The following TBCA variants were observed in gnomAD, a reference collection of about 807,000 sequenced individuals.
TBCA encodes tubulin folding cofactor A.
A neutral mutation model predicts 15.8 loss-of-function variants in TBCA; 6 were observed. That is an observed-to-expected ratio of 0.38 (90% CI 0.21 to 0.75). The LOEUF (loss-of-function observed/expected upper bound fraction) is 0.75, where lower values mean the gene tolerates loss of function less well. Among genes scored for constraint, TBCA ranks in the 30% least tolerant of loss-of-function variants. The pLI is 0.46. For synonymous variants in TBCA, 32 were observed against 42.3 expected (o/e 0.76, Z 0.94); for missense variants, 90 against 131.2 (o/e 0.69, Z 1.53).
chr5:77,733,886 A>G (rs1000270452), intron 1 of TBCA, among the ~76,000 whole-genome samples: 2 of 152,196 alleles, frequency 1.3e-5, no homozygotes, highest in Non-Finnish European at 2.9e-5. Flanking sequence ...AGCTTCAAAA[A>G]AGAGGCTGAC....
intron 1 of TBCA, among the ~76,000 whole-genome samples, chr5:77,739,273 C>T (rs1027267667): frequency 1.4e-4 from 21 of 152,104 alleles, no homozygotes; most frequent in African/African-American, 5.1e-4. Context: ...CCAGACTGGC[C>T]AACATGGTGA....
chr5:77,741,358 C>T (rs1015720211), intron 1 of TBCA, among the ~76,000 whole-genome samples: 4 of 152,030 alleles, frequency 2.6e-5, no homozygotes, highest in African/African-American at 9.7e-5. Flanking sequence ...ACACACAGGG[C>T]AAAAGGATAG....
chr5:77,763,552 C>A (rs1182261415), intron 1 of TBCA, among the ~76,000 whole-genome samples: 1 of 152,144 alleles, frequency 6.6e-6, no homozygotes, highest in Non-Finnish European at 1.5e-5. Flanking sequence ...GAGATGGGGT[C>A]TTTGGAAGGT....
intron 1 of TBCA, among the ~76,000 whole-genome samples, chr5:77,747,254 T>C (rs1375943128): frequency 1.3e-5 from 2 of 152,110 alleles, no homozygotes; most frequent in Non-Finnish European, 1.5e-5. Flanking sequence ...TACTATGTGA[T>C]TGAAAAAAAT....
chr5:77,699,099 T>C (rs1745945745), intron 2 of TBCA, among the ~76,000 whole-genome samples: 1 of 148,196 alleles, frequency 6.7e-6, no homozygotes, highest in African/African-American at 2.5e-5. Context: ...AGGATCTGTA[T>C]GCTGAAAATT....
At chr5:77,752,469 T>A (rs1309578328) in intron 1 of TBCA, among the ~76,000 whole-genome samples, 2 of 152,218 alleles carry the variant, frequency 1.3e-5, no homozygotes, top group Non-Finnish European at 2.9e-5. Flanking sequence ...GTTCAAATGA[T>A]CCTACTGCCT....
At chr5:77,761,897 G>C (rs943416741) in intron 1 of TBCA, among the ~76,000 whole-genome samples, 1 of 152,192 alleles carries the variant, frequency 6.6e-6, no homozygotes, top group Admixed American at 6.5e-5. Context: ...AGTTACATGG[G>C]AAAGTTTAAT....
chr5:77,759,941 T>A (rs1351838211), intron 1 of TBCA, among the ~76,000 whole-genome samples: 1 of 152,230 alleles, frequency 6.6e-6, no homozygotes, highest in Non-Finnish European at 1.5e-5. Flanking sequence ...GTGACTATTC[T>A]ACCTCCTAAG....
Position 77,691,188 on chromosome 5 carries a change from G to C in TBCA, c.*230C>G. 1 of 470,700 alleles carries C rather than the reference G, an allele frequency of 2.1e-6. No homozygotes were observed. The highest frequency in any genetic ancestry group is 3.8e-6 in the Non-Finnish European group (1 of 265,716). 29.2% of individuals were successfully genotyped at this position (470,700 alleles called of 1,614,324 possible). Reference sequence around the variant, plus strand: ...TAGTTCTCTGTCATAAAGTCTATGTGGTTTAATGATAAAAGGTTAATTTAA... The same window carrying C: ...TAGTTCTCTGTCATAAAGTCTATGTCGTTTAATGATAAAAGGTTAATTTAA... On this transcript the variant is annotated 3_prime_UTR_variant, in exon 4 of 4. Transcript: ENST00000380377.
At chr5:77,713,057 G>A (rs1746319237) in intron 1 of TBCA, among the ~76,000 whole-genome samples, 1 of 152,158 alleles carries the variant, frequency 6.6e-6, no homozygotes, top group Non-Finnish European at 1.5e-5. Context: ...ACTTTGGGAG[G>A]CTGAGGCAGG....
chr5:77,753,759 C>T (rs574312876), intron 1 of TBCA, among the ~76,000 whole-genome samples: 15 of 152,036 alleles, frequency 9.9e-5, no homozygotes, highest in Non-Finnish European at 2.1e-4. Flanking sequence ...GCCAATTAAT[C>T]ACATAATATT....
intron 1 of TBCA, among the ~76,000 whole-genome samples, chr5:77,724,656 C>T (rs1746592127): frequency 6.6e-6 from 1 of 152,082 alleles, no homozygotes; most frequent in Non-Finnish European, 1.5e-5. Flanking sequence ...AACTCCCTTA[C>T]CACATGAAAT....
intron 2 of TBCA, among the ~76,000 whole-genome samples, chr5:77,699,309 G>GA (rs939276459): frequency 1.3e-5 from 2 of 151,654 alleles, no homozygotes; most frequent in Non-Finnish European, 2.9e-5. Flanking sequence ...AAATAATTTT[G>GA]AAAAAAATAA....
chr5:77,724,084 T>G (rs384109), intron 1 of TBCA, among the ~76,000 whole-genome samples: 33,183 of 151,950 alleles, frequency 0.22, 4,623 homozygotes, highest in Non-Finnish European at 0.31. Flanking sequence ...GGCTTCTTTG[T>G]GTACACGAAT....
rs1001171558 is a variant in TBCA, at chr5:77,770,729, AAAAAAAAAAG to A, written c.53+5466_53+5475del. ...TGCTGGAAACATAGATCCAAATCTT[AAAAAAAAAAG>A]AAAAAAAACAAAGAGCCAGCTACAC... On this transcript the variant is annotated intron_variant, in intron 1 of 3. Transcript: ENST00000380377. 9.4e-5 allele frequency among the ~76,000 whole-genome samples: 13 copies of A among 138,984 alleles called. No homozygotes were observed. The East Asian group carries it at 2.2e-3, about 23-fold the overall frequency. The allele number at this position is 138,984 out of a possible 152,430, so 91.2% of individuals were successfully genotyped here.
In TBCA at chr5:77,776,235, T is replaced by G; in HGVS notation, c.23A>C (p.Gln8Pro). Residue 8 changes from glutamine (Q) to proline (P), a missense_variant, in exon 1 of 4, where the codon CAG becomes CCG. Transcript: ENST00000380377. The stretch of plus-strand genomic sequence containing the variant: ...CACCACGCCGGTCTTGATCTTGATC[T>G]GTCTCACGCGAGGATCGGCCATGGT... MADPRVRQIKIKTGVVKR... is the reference protein window; with the variant it reads MADPRVRPIKIKTGVVKR... 6.3e-7 allele frequency: 1 copy of G among 1,578,526 alleles called. No individual in the cohort carries two copies. Among genetic ancestry groups the G allele is most frequent in the Middle Eastern group, 2.3e-4 (1 of 4,412 alleles).
At chr5:77,736,523 C>T (rs924157976) in intron 1 of TBCA, among the ~76,000 whole-genome samples, 1 of 152,142 alleles carries the variant, frequency 6.6e-6, no homozygotes, top group African/African-American at 2.4e-5. Context: ...AAAACCTCTG[C>T]GTGTATTTCT....
intron 1 of TBCA, among the ~76,000 whole-genome samples, chr5:77,746,680 C>G (rs995865894): frequency 2.4e-4 from 36 of 151,974 alleles, no homozygotes; most frequent in African/African-American, 8.5e-4. Context: ...CAATAGAAAA[C>G]CACTTTGTGC....
At chr5:77,715,024 A>G (rs1746367257) in intron 1 of TBCA, among the ~76,000 whole-genome samples, 2 of 152,260 alleles carry the variant, frequency 1.3e-5, no homozygotes, top group African/African-American at 4.8e-5. Context: ...GAAAAGTGCT[A>G]TGGAGAAAAA....
Sources: gnomAD v4.1 joint callset for allele counts (sites outside exome capture counted in the v4.1 genomes callset) on GRCh38, gnomAD v4.1.1 for gene constraint, MANE v1.5 for transcripts, NCBI Gene and HGNC (gene_info 2026-07-23, HGNC 2026-07-21) for gene names.